Variants in KIF13B observed in about 807,000 individuals in gnomAD.
KIF13B encodes kinesin family member 13B, also known as kinesin-like protein KIF13B.
KIF13B carries 127 observed loss-of-function variants against 222.0 expected under a neutral mutation model. That is an observed-to-expected ratio of 0.57 (90% CI 0.50 to 0.66). The LOEUF is 0.66. Among genes scored for constraint, KIF13B ranks in the 30% least tolerant of loss-of-function variants. The probability of loss-of-function intolerance (pLI) is 0.00; values close to 1 mark genes in which losing one functional copy is unlikely to be tolerated. For synonymous variants in KIF13B, 976 were observed against 919.0 expected (o/e 1.06, Z -1.12); for missense variants, 2,173 against 2,379.0 (o/e 0.91, Z 1.80).
In KIF13B at chr8:29,176,071, G is replaced by A; in HGVS notation, c.942C>T (p.Leu314=). ...AAGGGAAAAAAAACAAACTTACTTTGAGCAGCCAAGTGAGAACTGAGTCAC... is the reference window on the plus strand; with the variant it reads ...AAGGGAAAAAAAACAAACTTACTTTAAGCAGCCAAGTGAGAACTGAGTCAC... ...PYRDSVLTWL[L]KDSLGGNSKT... is the part of the protein sequence containing the mutation. Residue 314 remains leucine, a synonymous_variant, in exon 10 of 40, where the codon CTC becomes CTT. Transcript: ENST00000524189. 1.2e-6 allele frequency: 2 copies of A among 1,600,196 alleles called. No homozygotes were observed. Among genetic ancestry groups the A allele is most frequent in the Non-Finnish European group, 1.7e-6 (2 of 1,168,450 alleles).
chr8:29,179,260 G>A (rs956656864), intron 8 of KIF13B, among the ~76,000 whole-genome samples: 3 of 152,066 alleles, frequency 2.0e-5, no homozygotes, highest in African/African-American at 7.2e-5. Flanking sequence ...AGGTCTATGG[G>A]CATGAACCAC....
chr8:29,186,965 T>C (rs990691260), intron 5 of KIF13B, among the ~76,000 whole-genome samples: 2 of 136,482 alleles, frequency 1.5e-5, no homozygotes, highest in Non-Finnish European at 3.1e-5. Flanking sequence ...CAACACTCCA[T>C]CTCCAAAAAA....
chr8:29,188,716 C>A, intron 4 of KIF13B, 109 bp from the exon 5 acceptor site: 1 of 673,802 alleles, frequency 1.5e-6, no homozygotes, highest in South Asian at 2.0e-5. Context: ...TTATTTATCT[C>A]CAAACAAGAT....
chr8:29,203,750 C>T (rs1043045092), intron 2 of KIF13B, among the ~76,000 whole-genome samples: 3 of 151,788 alleles, frequency 2.0e-5, no homozygotes, highest in South Asian at 2.1e-4. Context: ...ATAAATTAGC[C>T]GGGCATTGTG....
intron 13 of KIF13B, among the ~76,000 whole-genome samples, chr8:29,157,167 T>C (rs963150805): frequency 6.6e-6 from 1 of 151,870 alleles, no homozygotes; most frequent in African/African-American, 2.4e-5. Context: ...CCAGGATCTC[T>C]TGCCTGTGGA....
chr8:29,232,619 C>T (rs986310027), intron 2 of KIF13B, among the ~76,000 whole-genome samples: 1 of 151,926 alleles, frequency 6.6e-6, no homozygotes, highest in Non-Finnish European at 1.5e-5. Flanking sequence ...CTTTTTTTTA[C>T]TTAGGAATAT....
chr8:29,113,952 T>C (rs1809477029), intron 31 of KIF13B, among the ~76,000 whole-genome samples: 2 of 152,336 alleles, frequency 1.3e-5, no homozygotes, highest in South Asian at 2.1e-4. Context: ...CCCAGCACGA[T>C]GGACATCTCG....
rs1292738321 is a variant in KIF13B at position 29,186,396 on chromosome 8, A to G, written c.393T>C (p.Phe131=). 1.1e-5 allele frequency: 17 copies of G among 1,613,806 alleles called. No homozygotes were observed. Among genetic ancestry groups the G allele is most frequent in the Admixed American group, 1.7e-5 (1 of 59,996 alleles). ...GLIPRLCSGL[F]ERTQKEENEE... ...CATTTTCCTCTTTCTGAGTTCGTTC[A>G]AAGAGTCCACTGCAAAGTCTTGGGA... The change falls in exon 6 of 40, where the codon TTT becomes TTC. Residue 131 remains phenylalanine, a synonymous_variant. Coordinates refer to ENST00000524189, the MANE Select transcript of KIF13B (RefSeq NM_015254.4).
intron 1 of KIF13B, among the ~76,000 whole-genome samples, chr8:29,251,076 G>A (rs184680543): frequency 3.3e-5 from 5 of 151,426 alleles, no homozygotes; most frequent in South Asian, 2.1e-4. Context: ...ACTTGAACCC[G>A]GGAGGCAGAG....
At position 29,176,157 on chromosome 8, in the gene KIF13B, C is replaced by A; in HGVS notation, c.856G>T (p.Val286Phe). ...CTCTGATCTGCAAGAGCTGAGATAA[C>A]CAGACCGAGGGTTGTGAGGGACCTG... ...INKSLTTLGL[V>F]ISALADQSAG... The change falls in exon 10 of 40, where the codon GTT becomes TTT. Residue 286 changes from valine (V) to phenylalanine (F), a missense_variant. Coordinates refer to ENST00000524189, the MANE Select transcript of KIF13B (RefSeq NM_015254.4). The A allele has an allele frequency of 6.2e-7, 1 of 1,613,036 alleles. No homozygotes were observed. Among genetic ancestry groups the A allele is most frequent in the Non-Finnish European group, 8.5e-7 (1 of 1,179,186 alleles).
In KIF13B at chr8:29,198,988, G is replaced by A. The variant is rs149726964; in HGVS notation, c.150-2789C>T. On this transcript the variant is annotated intron_variant, in intron 2 of 39. Coordinates refer to ENST00000524189, the MANE Select transcript of KIF13B (RefSeq NM_015254.4). ...GTACAATGTACACTACTTAGGTGAC[G>A]GGTACACTAAAATCTCAGAAGTCCC... is the stretch of plus-strand genomic sequence containing the variant. 3.1e-3 allele frequency among the ~76,000 whole-genome samples: 468 copies of A among 152,014 alleles called. 3 individuals are homozygous for A. Among genetic ancestry groups the A allele is most frequent in the African/African-American group, 0.011 (441 of 41,436 alleles).
chr8:29,183,187 T>TTC (rs1554614597), intron 6 of KIF13B, among the ~76,000 whole-genome samples: 19 of 150,156 alleles, frequency 1.3e-4, no homozygotes, highest in South Asian at 2.1e-4. Context: ...TTTTTTTTTT[T>TTC]CCAATGGAGT....
At chr8:29,096,067 T>C (rs1586769062) in intron 36 of KIF13B, among the ~76,000 whole-genome samples, 1 of 150,562 alleles carries the variant, frequency 6.6e-6, no homozygotes, top group African/African-American at 2.4e-5. Flanking sequence ...CTGCAGCCTC[T>C]GCCTCCCAGG....
chr8:29,181,231 G>A (rs1812700222), intron 7 of KIF13B, among the ~76,000 whole-genome samples: 1 of 152,180 alleles, frequency 6.6e-6, no homozygotes, highest in Non-Finnish European at 1.5e-5. Flanking sequence ...TTGACCACTG[G>A]AAGGAATCTA....
chr8:29,111,694 A>G (rs1809362537), intron 32 of KIF13B, among the ~76,000 whole-genome samples: 1 of 152,204 alleles, frequency 6.6e-6, no homozygotes, highest in African/African-American at 2.4e-5. Flanking sequence ...AGAGAAGGAA[A>G]AGGGAGGGGA....
chr8:29,247,450 AG>A (rs890949593), intron 1 of KIF13B, among the ~76,000 whole-genome samples: 2 of 152,204 alleles, frequency 1.3e-5, no homozygotes, highest in African/African-American at 4.8e-5. Flanking sequence ...ACAGTGAAAA[AG>A]GGAATGAAAA....
intron 36 of KIF13B, among the ~76,000 whole-genome samples, chr8:29,098,383 A>T (rs1808637394): frequency 6.6e-6 from 1 of 151,778 alleles, no homozygotes; most frequent in African/African-American, 2.4e-5. Context: ...CAGACAGATC[A>T]CCTAAGATCA....
At chr8:29,178,652 TAA>T (rs35590594) in intron 8 of KIF13B, among the ~76,000 whole-genome samples, 18 of 139,036 alleles carry the variant, frequency 1.3e-4, no homozygotes, top group African/African-American at 2.4e-4. Flanking sequence ...TACTTTTAGT[TAA>T]AAAAAAAAAA....
Position 29,134,041 on chromosome 8 carries a change from T to G in KIF13B, c.2783A>C (p.Asn928Thr). The change falls in exon 22 of 40, where the codon AAT (asparagine) becomes ACT (threonine). Residue 928 changes from asparagine (N) to threonine (T), a missense_variant and splice_region_variant. By Grantham distance (65) the Asn-to-Thr change is moderately conservative (BLOSUM62 0). This residue lies in a region of KIF13B where 1,480 missense variants were observed against 1,722.8 expected (regional missense o/e 0.86). Coordinates refer to ENST00000524189, the MANE Select transcript of KIF13B (RefSeq NM_015254.4). The stretch of plus-strand genomic sequence containing the variant: ...ACCTACTCTGGAAAACAAACTCACA[T>G]TGCAATGATCAAAGACAACCATGCA... Reference protein sequence around the residue: ...PHCMVVFDHCNEFSVNITEDF... With the variant: ...PHCMVVFDHCTEFSVNITEDF... 3.1e-6 allele frequency: 5 copies of G among 1,612,050 alleles called. No individual in the cohort carries two copies. The highest frequency in any genetic ancestry group is 4.2e-6 in the Non-Finnish European group (5 of 1,179,032).
Sources: gnomAD v4.1 joint callset for allele counts (sites outside exome capture counted in the v4.1 genomes callset) on GRCh38, gnomAD v4.1.1 for gene constraint, gnomAD v4.1.1 regional missense constraint, MANE v1.5 for transcripts, NCBI Gene and HGNC (gene_info 2026-07-23, HGNC 2026-07-21) for gene names.